Variants in PITPNB observed in about 807,000 individuals in gnomAD.
The protein encoded by PITPNB is phosphatidylinositol transfer protein beta, also known as phosphatidylinositol transfer protein beta isoform.
Under a neutral mutation model 45.9 loss-of-function variants are expected in PITPNB, and 16 were observed. The ratio of observed to expected loss-of-function variants is 0.35; its 90% CI spans 0.24 to 0.53. The LOEUF is 0.53. PITPNB is among the 20% of genes least tolerant of loss of function. PITPNB has a pLI of 0.93. For missense variants in PITPNB, 188 were observed against 330.5 expected (o/e 0.57, Z 3.34); for synonymous variants, 112 against 108.9 (o/e 1.03, Z -0.18).
chr22:27,883,140 G>A (rs1343607118), intron 7 of PITPNB, among the ~76,000 whole-genome samples: 2 of 152,204 alleles, frequency 1.3e-5, no homozygotes, highest in African/African-American at 2.4e-5. Context: ...GGGGACTAGG[G>A]AAGAGGGATG....
At chr22:27,861,499 T>C (rs1934331474) in intron 8 of PITPNB, among the ~76,000 whole-genome samples, 1 of 152,164 alleles carries the variant, frequency 6.6e-6, no homozygotes, top group African/African-American at 2.4e-5. Context: ...GTGACTTAAA[T>C]ATACAGGTCC....
intron 3 of PITPNB, among the ~76,000 whole-genome samples, chr22:27,904,795 T>G (rs1392999787): frequency 6.6e-6 from 1 of 152,064 alleles, no homozygotes; most frequent in Non-Finnish European, 1.5e-5. Context: ...CAGAAATGAT[T>G]TACAACCCCA....
rs778078409 is a variant in PITPNB at position 27,897,877 on chromosome 22, G to A, written c.213C>T (p.Phe71=). Residue 71 remains phenylalanine (F), a synonymous_variant, in exon 4 of 12, where the codon TTC becomes TTT. Transcript: ENST00000335272. ...AGCCCTCGGGAGCAATCATCCTCAC[G>A]AATGCAGGCACTTTGCTGGGAGAAG... ...IYHLKSKVPA[F]VRMIAPEGSL... is the part of the protein sequence containing the mutation. 6.2e-6 allele frequency: 10 copies of A among 1,612,512 alleles called. No homozygotes were observed. The highest frequency in any genetic ancestry group is 3.3e-5 in the South Asian group (3 of 91,058).
intron 3 of PITPNB, among the ~76,000 whole-genome samples, chr22:27,907,436 T>C (rs1425989145): frequency 1.3e-5 from 2 of 152,214 alleles, no homozygotes; most frequent in African/African-American, 2.4e-5. Context: ...GACTGCCCCA[T>C]AGCCATTCCC....
chr22:27,912,761 C>T (rs1935964523), intron 2 of PITPNB, among the ~76,000 whole-genome samples: 1 of 151,792 alleles, frequency 6.6e-6, no homozygotes, highest in Admixed American at 6.6e-5. Flanking sequence ...GCAGGTGGAT[C>T]ACTTGAGGTC....
rs1487236186 is a variant in PITPNB, at chr22:27,852,006, G to T, written c.*1696C>A. On this transcript the variant is annotated 3_prime_UTR_variant, in exon 12 of 12. Coordinates refer to ENST00000335272, the MANE Select transcript of PITPNB (RefSeq NM_012399.5). ...CTGACAAAACCTATCTTACAACAGT[G>T]CCCAGAGAGTAAACATCAGTCTTTA... The T allele has an allele frequency of 1.3e-5, 2 of 152,182 alleles. No individual in the cohort carries two copies. The highest frequency in any genetic ancestry group is 4.8e-5 in the African/African-American group (2 of 41,446). 9.4% of individuals were successfully genotyped at this position (152,182 alleles called of 1,614,324 possible).
intron 7 of PITPNB, among the ~76,000 whole-genome samples, chr22:27,883,157 C>G (rs1290820252): frequency 6.6e-6 from 1 of 152,196 alleles, no homozygotes; most frequent in Non-Finnish European, 1.5e-5. Flanking sequence ...GATGGAAGAA[C>G]AGCTGCTGCC....
chr22:27,894,466 AT>A (rs1294877324), intron 7 of PITPNB, 88 bp downstream of exon 7: 9 of 755,516 alleles, frequency 1.2e-5, no homozygotes, highest in East Asian at 9.9e-5. Flanking sequence ...AAAGGAAATA[AT>A]TTTTTTAACT....
At chr22:27,893,753 G>A (rs891620444) in intron 7 of PITPNB, among the ~76,000 whole-genome samples, 1 of 151,832 alleles carries the variant, frequency 6.6e-6, no homozygotes, top group Non-Finnish European at 1.5e-5. Context: ...ACCATGCCCA[G>A]CTAATCGTTT....
chr22:27,886,574 T>C (rs886589167), intron 7 of PITPNB, among the ~76,000 whole-genome samples: 11 of 152,200 alleles, frequency 7.2e-5, no homozygotes, highest in Non-Finnish European at 1.5e-4. Context: ...GTATAGTTCA[T>C]AAACACTACC....
chr22:27,864,140 C>T (rs1934413410), intron 8 of PITPNB, among the ~76,000 whole-genome samples: 1 of 152,142 alleles, frequency 6.6e-6, no homozygotes, highest in Non-Finnish European at 1.5e-5. Flanking sequence ...AAGTTGAGAA[C>T]ACACAAGCTA....
chr22:27,879,760 T>C (rs1222103655), intron 7 of PITPNB, among the ~76,000 whole-genome samples: 1 of 152,128 alleles, frequency 6.6e-6, no homozygotes, highest in Non-Finnish European at 1.5e-5. Context: ...GCATGTTTCC[T>C]TAAATGACAG....
At chr22:27,884,145 G>A (rs1255886330) in intron 7 of PITPNB, among the ~76,000 whole-genome samples, 1 of 152,064 alleles carries the variant, frequency 6.6e-6, no homozygotes, top group East Asian at 1.9e-4. Context: ...AGTGTAGGGA[G>A]GGAAGGCTGG....
chr22:27,886,372 T>C (rs1428277655), intron 7 of PITPNB, among the ~76,000 whole-genome samples: 1 of 152,228 alleles, frequency 6.6e-6, no homozygotes, highest in Non-Finnish European at 1.5e-5. Context: ...GACCCATATA[T>C]TTAAATACAT....
At chr22:27,905,726 G>A (rs541293424) in intron 3 of PITPNB, among the ~76,000 whole-genome samples, 2 of 152,190 alleles carry the variant, frequency 1.3e-5, no homozygotes, top group Non-Finnish European at 2.9e-5. Context: ...AATCAGGACT[G>A]ACTGAAGATG....
In PITPNB at chr22:27,857,257, G is replaced by A. The variant is rs2146345301; in HGVS notation, c.768+1130C>T. 2.0e-5 allele frequency among the ~76,000 whole-genome samples: 3 copies of A among 152,168 alleles called. No individual in the cohort carries two copies. In the South Asian group the frequency reaches 6.2e-4, roughly 32 times the overall value. On this transcript the variant is annotated intron_variant, in intron 10 of 11. Coordinates refer to ENST00000335272, the MANE Select transcript of PITPNB (RefSeq NM_012399.5). ...CAAACAATCAACTTAAAATTTTTTG[G>A]AACAAAATCCATTCATAAGTTGGAG...
chr22:27,871,353 T>C (rs1934653426), intron 8 of PITPNB, among the ~76,000 whole-genome samples: 1 of 152,240 alleles, frequency 6.6e-6, no homozygotes, highest in East Asian at 1.9e-4. Context: ...TTAATGTTTA[T>C]ACTTGAAAAG....
At chr22:27,918,668 A>T (rs879698913) in intron 1 of PITPNB, among the ~76,000 whole-genome samples, 1 of 152,172 alleles carries the variant, frequency 6.6e-6, no homozygotes, top group African/African-American at 2.4e-5. Context: ...CACGAACTTC[A>T]AGGCGCCAGC....
Position 27,881,292 on chromosome 22 carries a change from G to A in PITPNB, c.457-7477C>T, listed in dbSNP as rs1026275035. The stretch of plus-strand genomic sequence containing the variant: ...AGCAAAATCACTGCTACCACAAAAC[G>A]TGTATTTGAGGTGCTTTCTCCCTAA... On this transcript the variant is annotated intron_variant, in intron 7 of 11. Coordinates refer to ENST00000335272, the MANE Select transcript of PITPNB (RefSeq NM_012399.5). Among the ~76,000 whole-genome samples the A allele has an allele frequency of 6.6e-5, 10 of 152,292 alleles. No homozygotes were observed. In the East Asian group the frequency reaches 1.2e-3, roughly 18 times the overall value.
Sources: allele counts gnomAD v4.1 joint callset (sites outside exome capture counted in the v4.1 genomes callset), GRCh38; gene constraint gnomAD v4.1.1; transcripts MANE v1.5; gene names NCBI Gene and HGNC (gene_info 2026-07-23, HGNC 2026-07-21).